Variants in KCNB2 observed in about 807,000 individuals in gnomAD.
The protein encoded by KCNB2 is potassium voltage-gated channel subfamily B member 2.
Under a neutral mutation model 61.5 loss-of-function variants are expected in KCNB2, and 15 were observed. The observed-to-expected ratio is 0.24, with a 90% CI of 0.16 to 0.38. The LOEUF (loss-of-function observed/expected upper bound fraction) is 0.38. Among genes scored for constraint, KCNB2 ranks in the 10% least tolerant of loss-of-function variants. KCNB2 has a pLI of 1.00. For synonymous variants in KCNB2, 457 were observed against 446.0 expected (o/e 1.02, Z -0.31); for missense variants, 828 against 1,125.2 (o/e 0.74, Z 3.78).
rs79907724 is a variant in KCNB2 at position 72,629,423 on chromosome 8, C to T, written c.579+61110C>T. Among the ~76,000 whole-genome samples the T allele has an allele frequency of 5.0e-3, 758 of 152,306 alleles. 2 individuals are homozygous for T. The highest frequency in any genetic ancestry group is 0.01 in the Middle Eastern group (3 of 294). ...ATTCTATCTTTGTTTTACACAGTAT[C>T]TCAATGAAAAACAAACTTCTCTTCC... is the stretch of plus-strand genomic sequence containing the variant. On this transcript the variant is annotated intron_variant, in intron 2 of 2. Transcript: ENST00000523207.
At chr8:72,677,919 C>A (rs74868552) in intron 2 of KCNB2, among the ~76,000 whole-genome samples, 1 of 152,070 alleles carries the variant, frequency 6.6e-6, no homozygotes, top group Non-Finnish European at 1.5e-5. Context: ...ACCACTATAC[C>A]AAGGCATCCA....
chr8:72,586,279 A>T (rs761938169), intron 2 of KCNB2, among the ~76,000 whole-genome samples: 1 of 152,240 alleles, frequency 6.6e-6, no homozygotes, highest in Admixed American at 6.5e-5. Flanking sequence ...GAATGAAAAG[A>T]TTCCATTTGT....
intron 2 of KCNB2, among the ~76,000 whole-genome samples, chr8:72,675,514 G>GT (rs2128988527): frequency 7.3e-6 from 1 of 137,620 alleles, no homozygotes; most frequent in Non-Finnish European, 1.5e-5. Flanking sequence ...GCAATCTGCA[G>GT]TCGGATTTTT....
chr8:72,665,047 A>G (rs1050180383), intron 2 of KCNB2, among the ~76,000 whole-genome samples: 1 of 152,230 alleles, frequency 6.6e-6, no homozygotes, highest in African/African-American at 2.4e-5. Context: ...AAGAACATCT[A>G]GGCCCAGGTA....
At chr8:72,543,993 T>C (rs1052413703) in intron 1 of KCNB2, among the ~76,000 whole-genome samples, 1 of 152,188 alleles carries the variant, frequency 6.6e-6, no homozygotes, top group African/African-American at 2.4e-5. Context: ...ACTATGTAGT[T>C]TGCTAAACAT....
intron 2 of KCNB2, among the ~76,000 whole-genome samples, chr8:72,809,679 T>C (rs904923040): frequency 8.5e-5 from 13 of 152,148 alleles, no homozygotes; most frequent in Admixed American, 4.6e-4. Context: ...AGAATGCCTC[T>C]TACTATGGAA....
intron 2 of KCNB2, among the ~76,000 whole-genome samples, chr8:72,817,667 A>G (rs535221393): frequency 1.3e-5 from 2 of 152,246 alleles, no homozygotes; most frequent in South Asian, 4.1e-4. Flanking sequence ...TAACTTTCTC[A>G]ACAGAAACCC....
intron 2 of KCNB2, among the ~76,000 whole-genome samples, chr8:72,674,728 C>CT (rs1018996524): frequency 1.3e-5 from 2 of 152,118 alleles, no homozygotes; most frequent in African/African-American, 4.8e-5. Flanking sequence ...GGAAGAAACA[C>CT]TAACTTCTGA....
chr8:72,595,100 A>C (rs1355598085), intron 2 of KCNB2, among the ~76,000 whole-genome samples: 2 of 151,852 alleles, frequency 1.3e-5, no homozygotes. Flanking sequence ...CACAATGGAG[A>C]ACAATCAACA....
At position 72,633,056 on chromosome 8, in the gene KCNB2, G is replaced by A. The variant is rs149818124; in HGVS notation, c.579+64743G>A. The stretch of plus-strand genomic sequence containing the variant: ...GGCTTGACTGGCTCCTCTGTTCCAG[G>A]TCTCACAAACTGAAGTCAAGATGGC... On this transcript the variant is annotated intron_variant, in intron 2 of 2. Transcript: ENST00000523207. Among the ~76,000 whole-genome samples, 83 of 152,244 alleles carry A rather than the reference G, an allele frequency of 5.5e-4. 1 individual carries two copies. Among genetic ancestry groups the A allele is most frequent in the African/African-American group, 1.9e-3 (79 of 41,540 alleles).
intron 2 of KCNB2, among the ~76,000 whole-genome samples, chr8:72,778,833 C>A (rs562261928): frequency 1.6e-4 from 24 of 148,170 alleles, no homozygotes; most frequent in Admixed American, 3.4e-4. Context: ...AAATAAAGTT[C>A]GAGATATCAG....
intron 2 of KCNB2, among the ~76,000 whole-genome samples, chr8:72,680,855 C>T (rs1806738131): frequency 6.6e-6 from 1 of 152,210 alleles, no homozygotes; most frequent in Non-Finnish European, 1.5e-5. Flanking sequence ...CAATCCTTAA[C>T]TTCTCTGAGC....
intron 2 of KCNB2, among the ~76,000 whole-genome samples, chr8:72,637,862 G>A (rs1438807845): frequency 1.3e-5 from 2 of 152,108 alleles, no homozygotes; most frequent in South Asian, 4.2e-4. Flanking sequence ...AGACCAGACA[G>A]GAAGGTAGTT....
chr8:72,799,010 T>C (rs1249511204), intron 2 of KCNB2, among the ~76,000 whole-genome samples: 1 of 152,142 alleles, frequency 6.6e-6, no homozygotes, highest in Non-Finnish European at 1.5e-5. Context: ...GCATTATCAC[T>C]GTGAAGTATC....
intron 2 of KCNB2, among the ~76,000 whole-genome samples, chr8:72,851,825 G>C (rs1585931967): frequency 6.5e-5 from 1 of 15,324 alleles, no homozygotes; most frequent in East Asian, 1.0e-3. Context: ...AGAAGCTGTA[G>C]GAAAAAAAAA....
intron 2 of KCNB2, among the ~76,000 whole-genome samples, chr8:72,919,095 CCAA>C (rs1806453002): frequency 6.6e-6 from 1 of 152,178 alleles, no homozygotes; most frequent in Non-Finnish European, 1.5e-5. Flanking sequence ...ATTATCATCT[CCAA>C]AGGAGATATA....
At chr8:72,566,974 G>A (rs2383866) in intron 1 of KCNB2, among the ~76,000 whole-genome samples, 18,277 of 152,036 alleles carry the variant, frequency 0.12, 1,395 homozygotes, top group Non-Finnish European at 0.18. Flanking sequence ...GAACTGGTTG[G>A]GCAGACTGGC....
chr8:72,564,278 G>A (rs561522828), intron 1 of KCNB2, among the ~76,000 whole-genome samples: 2 of 152,076 alleles, frequency 1.3e-5, no homozygotes, highest in Non-Finnish European at 2.9e-5. Flanking sequence ...GTCACACCAT[G>A]CCTTTGCCAC....
At chr8:72,745,063 T>A (rs2128995005) in intron 2 of KCNB2, among the ~76,000 whole-genome samples, 1 of 152,278 alleles carries the variant, frequency 6.6e-6, no homozygotes, top group African/African-American at 2.4e-5. Flanking sequence ...CTACTGCAGC[T>A]CTCTCTTTCA....
Sources: allele counts gnomAD v4.1 joint callset (sites outside exome capture counted in the v4.1 genomes callset), GRCh38; gene constraint gnomAD v4.1.1; transcripts MANE v1.5; gene names NCBI Gene and HGNC (gene_info 2026-07-23, HGNC 2026-07-21).